The following TRPM3 variants were observed in gnomAD, a reference collection of about 807,000 sequenced individuals.
The protein encoded by TRPM3 is transient receptor potential cation channel subfamily M member 3.
Under a neutral mutation model 181.2 loss-of-function variants are expected in TRPM3, and 77 were observed. The ratio of observed to expected loss-of-function variants is 0.42; its 90% CI spans 0.35 to 0.51. The LOEUF is 0.51. Among genes scored for constraint, TRPM3 ranks in the 20% least tolerant of loss-of-function variants. The probability of loss-of-function intolerance (pLI) is 0.01; values close to 1 mark genes in which losing one functional copy is unlikely to be tolerated. For missense variants in TRPM3, 1,759 were observed against 2,196.7 expected (o/e 0.80, Z 3.98); for synonymous variants, 745 against 796.4 (o/e 0.94, Z 1.09).
chr9:70,553,823 T>C (rs969402599), intron 22 of TRPM3, among the ~76,000 whole-genome samples: 3 of 152,188 alleles, frequency 2.0e-5, no homozygotes, highest in Non-Finnish European at 2.9e-5. Flanking sequence ...GAGCTCCAGC[T>C]AACGATTTGC....
At chr9:70,948,673 A>G (rs1019916009) in intron 1 of TRPM3, among the ~76,000 whole-genome samples, 3 of 152,198 alleles carry the variant, frequency 2.0e-5, no homozygotes, top group South Asian at 2.1e-4. Flanking sequence ...AGCAGCAAAC[A>G]TAATTTTTGC....
intron 7 of TRPM3, among the ~76,000 whole-genome samples, chr9:70,779,456 GC>G (rs1429592064): frequency 6.6e-6 from 1 of 152,164 alleles, no homozygotes; most frequent in African/African-American, 2.4e-5. Flanking sequence ...GCATTTGGAT[GC>G]CTTTTTCACA....
intron 1 of TRPM3, among the ~76,000 whole-genome samples, chr9:71,354,043 A>C (rs933185042): frequency 6.6e-6 from 1 of 151,988 alleles, no homozygotes; most frequent in Admixed American, 6.6e-5. Flanking sequence ...GATCCAGGCC[A>C]CTCATCATAT....
intron 1 of TRPM3, among the ~76,000 whole-genome samples, chr9:71,405,809 T>G (rs983792365): frequency 1.3e-5 from 2 of 152,218 alleles, no homozygotes; most frequent in African/African-American, 4.8e-5. Context: ...TTACAACTAA[T>G]ACATATTCCA....
intron 1 of TRPM3, among the ~76,000 whole-genome samples, chr9:71,307,561 T>G (rs2132373406): frequency 6.6e-6 from 1 of 152,310 alleles, no homozygotes; most frequent in South Asian, 2.1e-4. Flanking sequence ...GATAGTCTGC[T>G]TCTCCTCTCT....
At chr9:70,567,955 G>A (rs2051087115) in intron 22 of TRPM3, among the ~76,000 whole-genome samples, 1 of 152,146 alleles carries the variant, frequency 6.6e-6, no homozygotes, top group South Asian at 2.1e-4. Context: ...AGAGAGAAGA[G>A]AGAGATGAGA....
chr9:70,637,376 A>C (rs2057376238), intron 11 of TRPM3, among the ~76,000 whole-genome samples: 1 of 152,104 alleles, frequency 6.6e-6, no homozygotes, highest in African/African-American at 2.4e-5. Flanking sequence ...ATCCTCAACA[A>C]AGTATTCCGG....
At chr9:70,920,931 CACT>C (rs1407639394) in intron 1 of TRPM3, among the ~76,000 whole-genome samples, 2 of 151,942 alleles carry the variant, frequency 1.3e-5, no homozygotes, top group African/African-American at 2.4e-5. Flanking sequence ...TATTCCTAGT[CACT>C]ACTGACCAGA....
chr9:70,991,834 A>C (rs1258198799), intron 1 of TRPM3, among the ~76,000 whole-genome samples: 1 of 151,980 alleles, frequency 6.6e-6, no homozygotes, highest in Non-Finnish European at 1.5e-5. Flanking sequence ...TCTACATTCC[A>C]TCTGCTTCAA....
chr9:71,082,980 T>A (rs1033200427), intron 1 of TRPM3, among the ~76,000 whole-genome samples: 1 of 152,056 alleles, frequency 6.6e-6, no homozygotes, highest in African/African-American at 2.4e-5. Context: ...GATATGGAGA[T>A]TTCTAGCATG....
chr9:71,363,046 G>A (rs888503213), intron 1 of TRPM3, among the ~76,000 whole-genome samples: 2 of 152,164 alleles, frequency 1.3e-5, no homozygotes, highest in East Asian at 3.8e-4. Flanking sequence ...TAATTTTAAA[G>A]TTGAGAAAAC....
intron 1 of TRPM3, among the ~76,000 whole-genome samples, chr9:71,117,578 G>T (rs901027315): frequency 1.3e-5 from 2 of 151,918 alleles, no homozygotes; most frequent in Non-Finnish European, 2.9e-5. Context: ...TTTTAAAGAA[G>T]ACATCAAGTT....
intron 25 of TRPM3, among the ~76,000 whole-genome samples, chr9:70,540,818 G>A (rs2043132194): frequency 6.6e-6 from 1 of 152,174 alleles, no homozygotes; most frequent in Non-Finnish European, 1.5e-5. Context: ...GACCTCCCGG[G>A]GCTCAGGCAA....
chr9:71,444,999 A>G (rs2094184352), intron 1 of TRPM3, among the ~76,000 whole-genome samples: 1 of 152,228 alleles, frequency 6.6e-6, no homozygotes. Flanking sequence ...ACAGAGAACT[A>G]CAGCACCATC....
At chr9:71,269,855 C>T (rs1369687751) in intron 1 of TRPM3, among the ~76,000 whole-genome samples, 1 of 152,188 alleles carries the variant, frequency 6.6e-6, no homozygotes, top group Non-Finnish European at 1.5e-5. Context: ...CAGAGATGCT[C>T]ACACTTCATA....
intron 1 of TRPM3, among the ~76,000 whole-genome samples, chr9:70,955,499 C>T (rs1041596947): frequency 5.3e-5 from 8 of 152,150 alleles, no homozygotes; most frequent in African/African-American, 1.9e-4. Flanking sequence ...CATTATCTCA[C>T]TTGATTTTCA....
intron 8 of TRPM3, among the ~76,000 whole-genome samples, chr9:70,754,468 G>A (rs1345761592): frequency 6.6e-6 from 1 of 152,170 alleles, no homozygotes; most frequent in East Asian, 1.9e-4. Flanking sequence ...GTAAGCAGAG[G>A]AGTGAATTAC....
In TRPM3 at chr9:70,981,268, G is replaced by C. The variant is rs553771021; in HGVS notation, c.178-116757C>G. On this transcript the variant is annotated intron_variant, in intron 1 of 25. Coordinates refer to ENST00000677713, the MANE Select transcript of TRPM3 (RefSeq NM_001366145.2). ...GCAGTTTTATAGCGTAGAAGAGCTT[G>C]AAAATAGAGTAAAAGCATCATTAGT... is the stretch of plus-strand genomic sequence containing the variant. Among the ~76,000 whole-genome samples the C allele has an allele frequency of 5.3e-5, 8 of 152,272 alleles. No individual in the cohort carries two copies. In the East Asian group the frequency reaches 1.5e-3, roughly 29 times the overall value.
At chr9:71,083,156 T>C (rs961411121) in intron 1 of TRPM3, among the ~76,000 whole-genome samples, 8 of 152,032 alleles carry the variant, frequency 5.3e-5, no homozygotes, top group Non-Finnish European at 1.5e-5. Context: ...CATACAGAGA[T>C]TGAAATGGCT....
Sources: gnomAD v4.1 joint callset for allele counts (sites outside exome capture counted in the v4.1 genomes callset) on GRCh38, gnomAD v4.1.1 for gene constraint, MANE v1.5 for transcripts, NCBI Gene and HGNC (gene_info 2026-07-23, HGNC 2026-07-21) for gene names.